The following RNF150 variants were observed in gnomAD, a reference collection of about 807,000 sequenced individuals.
The protein encoded by RNF150 is ring finger protein 150.
RNF150 carries 24 observed loss-of-function variants against 39.3 expected under a neutral mutation model. The ratio of observed to expected loss-of-function variants is 0.61; its 90% CI spans 0.44 to 0.86. RNF150 has a LOEUF of 0.86. Ranked by LOEUF, RNF150 falls within the 40% of genes least tolerant of loss-of-function variation. The probability of loss-of-function intolerance (pLI) is 0.00; values close to 1 mark genes in which losing one functional copy is unlikely to be tolerated. For missense variants in RNF150, 502 were observed against 587.8 expected (o/e 0.85, Z 1.51); for synonymous variants, 255 against 227.3 (o/e 1.12, Z -1.10).
At position 140,863,403 on chromosome 4, in the gene RNF150, G is replaced by A. The variant is rs1728567586; in HGVS notation, c.*4858C>T. 6.6e-6 allele frequency: 1 copy of A among 152,158 alleles called. No homozygotes were observed. Among genetic ancestry groups the A allele is most frequent in the Non-Finnish European group, 1.5e-5 (1 of 68,038 alleles). 9.4% of individuals were successfully genotyped at this position (152,158 alleles called of 1,614,324 possible). A position where few individuals can be genotyped will look rare whatever the true frequency, so the allele number is the denominator to read the frequency against. On this transcript the variant is annotated 3_prime_UTR_variant, in exon 7 of 7. Transcript: ENST00000515673. Reference sequence around the variant, plus strand: ...AAAATGAAACTGACTCCTTTAGGGAGGACATTGGTTTATAGTAAACAGGTT... The same window carrying A: ...AAAATGAAACTGACTCCTTTAGGGAAGACATTGGTTTATAGTAAACAGGTT...
chr4:140,974,839 T>C (rs928160411), intron 1 of RNF150, among the ~76,000 whole-genome samples: 9 of 152,214 alleles, frequency 5.9e-5, no homozygotes, highest in African/African-American at 2.2e-4. Context: ...TTTAGTGCTC[T>C]TTGTTTAAAC....
At chr4:141,035,356 C>T (rs546640920) in intron 1 of RNF150, among the ~76,000 whole-genome samples, 2 of 152,302 alleles carry the variant, frequency 1.3e-5, no homozygotes, top group East Asian at 3.9e-4. Context: ...CCGGATTCAC[C>T]TTCACAGCCT....
chr4:141,134,569 C>A (rs1439501787), upstream of RNF150, among the ~76,000 whole-genome samples: 1 of 152,162 alleles, frequency 6.6e-6, no homozygotes, highest in Non-Finnish European at 1.5e-5. Context: ...GGCAGCAGTA[C>A]AAACAGCTGA....
chr4:140,983,737 G>A (rs1009788473), intron 1 of RNF150, among the ~76,000 whole-genome samples: 1 of 146,004 alleles, frequency 6.8e-6, no homozygotes, highest in Non-Finnish European at 1.5e-5. Context: ...TTGTATAACT[G>A]CCTTTTTTTT....
At chr4:140,998,602 C>A (rs916543055) in intron 1 of RNF150, among the ~76,000 whole-genome samples, 1 of 152,188 alleles carries the variant, frequency 6.6e-6, no homozygotes, top group African/African-American at 2.4e-5. Flanking sequence ...GCACAGTCCT[C>A]CAGCCAGAGA....
chr4:141,153,362 G>A (rs1297933008), intron 1 of RNF150, among the ~76,000 whole-genome samples: 1 of 152,156 alleles, frequency 6.6e-6, no homozygotes, highest in African/African-American at 2.4e-5. Flanking sequence ...CAGTTTCGCT[G>A]ATGTCCCTAA....
intron 1 of RNF150, among the ~76,000 whole-genome samples, chr4:141,061,655 T>A (rs1737234706): frequency 6.6e-6 from 1 of 152,198 alleles, no homozygotes; most frequent in Non-Finnish European, 1.5e-5. Context: ...AAGAAAAATG[T>A]CAAATTCTTA....
chr4:140,963,406 A>G (rs947203269), intron 2 of RNF150, among the ~76,000 whole-genome samples: 33 of 152,204 alleles, frequency 2.2e-4, no homozygotes, highest in African/African-American at 7.0e-4. Flanking sequence ...TGTCCTATAC[A>G]TGCACTGCCA....
intron 1 of RNF150, among the ~76,000 whole-genome samples, chr4:140,988,976 G>T (rs1247796639): frequency 6.6e-6 from 1 of 152,048 alleles, no homozygotes. Context: ...ACACAGGAAG[G>T]GGAACATCAC....
intron 2 of RNF150, among the ~76,000 whole-genome samples, chr4:140,956,436 T>C (rs189396853): frequency 5.9e-5 from 9 of 152,296 alleles, no homozygotes; most frequent in African/African-American, 2.2e-4. Flanking sequence ...GTCATGAATC[T>C]GGCCTCCCAA....
At chr4:141,002,823 G>C (rs1223964892) in intron 1 of RNF150, among the ~76,000 whole-genome samples, 1 of 151,934 alleles carries the variant, frequency 6.6e-6, no homozygotes, top group Non-Finnish European at 1.5e-5. Context: ...CCCTCACTGA[G>C]CCATTGTTTT....
intron 1 of RNF150, among the ~76,000 whole-genome samples, chr4:141,182,227 T>C (rs1388528444): frequency 7.8e-6 from 1 of 128,970 alleles, no homozygotes; most frequent in Non-Finnish European, 1.6e-5. Flanking sequence ...AATATCATAC[T>C]GAATGGGCAA....
chr4:140,968,008 A>C (rs1733318785), intron 1 of RNF150, 135 bp from the exon 2 acceptor site: 6 of 731,786 alleles, frequency 8.2e-6, no homozygotes, highest in African/African-American at 1.8e-5. Context: ...TGGGCTAAGA[A>C]GACCTAATAC....
intron 1 of RNF150, among the ~76,000 whole-genome samples, chr4:141,126,223 G>C (rs1726752145): frequency 6.6e-6 from 1 of 152,086 alleles, no homozygotes; most frequent in Non-Finnish European, 1.5e-5. Context: ...TGGGAACTGA[G>C]GCTCTTAAAA....
chr4:141,032,915 G>A (rs183605762), intron 1 of RNF150, among the ~76,000 whole-genome samples: 4 of 152,290 alleles, frequency 2.6e-5, no homozygotes, highest in African/African-American at 9.6e-5. Context: ...ACAATCATCT[G>A]AGTCTTCAGT....
intron 1 of RNF150, among the ~76,000 whole-genome samples, chr4:140,999,910 C>T (rs1188767688): frequency 7.6e-6 from 1 of 132,018 alleles, no homozygotes; most frequent in East Asian, 2.2e-4. Flanking sequence ...TGCACTCCAG[C>T]CTGGGTAACA....
intron 6 of RNF150, among the ~76,000 whole-genome samples, chr4:140,883,201 T>A (rs532546306): frequency 6.6e-6 from 1 of 152,226 alleles, no homozygotes; most frequent in African/African-American, 2.4e-5. Context: ...ACTGATGTTA[T>A]AAATTATATC....
intron 1 of RNF150, among the ~76,000 whole-genome samples, chr4:141,118,433 A>G (rs1285205735): frequency 6.6e-6 from 1 of 152,166 alleles, no homozygotes; most frequent in Non-Finnish European, 1.5e-5. Context: ...GTATCTATTC[A>G]AACTGCCTGC....
chr4:141,044,027 G>A (rs527997147), intron 1 of RNF150, among the ~76,000 whole-genome samples: 2 of 152,270 alleles, frequency 1.3e-5, no homozygotes, highest in African/African-American at 4.8e-5. Flanking sequence ...TAATAGGGTT[G>A]AAGTAAATGT....
Sources: gnomAD v4.1 joint callset for allele counts (sites outside exome capture counted in the v4.1 genomes callset) on GRCh38, gnomAD v4.1.1 for gene constraint, MANE v1.5 for transcripts, NCBI Gene and HGNC (gene_info 2026-07-23, HGNC 2026-07-21) for gene names.